AIRIM: variants seen among roughly 807,000 people sequenced by gnomAD.
The protein encoded by AIRIM is AFG2 interacting ribosome maturation factor.
chr1:37,691,002 C>A, the AIRIM span: 1 of 152,242 alleles, frequency 6.6e-6, no homozygotes, highest in Non-Finnish European at 1.5e-5. Context: ...CATAAAAACA[C>A]CTGCAGGGGG....
At chr1:37,681,816 A>G in the AIRIM span, 33 of 152,388 alleles carry the variant, frequency 2.2e-4, no homozygotes, top group South Asian at 6.6e-3. Context: ...CAAAAAGAAT[A>G]TAACTGTGTT....
the AIRIM span, chr1:37,690,540 G>A: frequency 8.7e-7 from 1 of 1,144,156 alleles, no homozygotes; most frequent in Non-Finnish European, 1.1e-6. Flanking sequence ...GCTCACACGC[G>A]ACCTCCCCAC....
At chr1:37,684,701 G>A in the AIRIM span, among the ~76,000 whole-genome samples, 1 of 152,222 alleles carries the variant, frequency 6.6e-6, no homozygotes, top group Non-Finnish European at 1.5e-5. Flanking sequence ...GCTAGATTGA[G>A]GAGTTCAATT....
the AIRIM span, chr1:37,689,890 A>G: frequency 2.6e-6 from 4 of 1,531,750 alleles, no homozygotes; most frequent in Admixed American, 2.1e-5. Flanking sequence ...TCTTCTGCTG[A>G]AAAAGATAAA....
At chr1:37,690,561 C>G in the AIRIM span, 2 of 1,058,356 alleles carry the variant, frequency 1.9e-6, no homozygotes, top group African/African-American at 3.4e-5. Flanking sequence ...AAAGCTACTC[C>G]GCGGGCCTGC....
the AIRIM span, chr1:37,683,981 G>C: frequency 6.4e-6 from 1 of 155,916 alleles, no homozygotes; most frequent in African/African-American, 2.4e-5. Context: ...TTAGCAACAG[G>C]AGCTATTCCT....
At chr1:37,684,792 A>T in the AIRIM span, among the ~76,000 whole-genome samples, 12 of 152,258 alleles carry the variant, frequency 7.9e-5, no homozygotes, top group African/African-American at 2.6e-4. Context: ...AGAGACAAGA[A>T]AAGTTGGGGT....
the AIRIM span, chr1:37,689,580 A>G: frequency 7.8e-6 from 12 of 1,544,496 alleles, no homozygotes; most frequent in South Asian, 2.4e-5. Context: ...CCTTCCACCA[A>G]GAAACAGCAC....
the AIRIM span, chr1:37,689,711 A>G: frequency 6.2e-7 from 1 of 1,614,034 alleles, no homozygotes; most frequent in South Asian, 1.1e-5. Flanking sequence ...CACATCCTCA[A>G]ACCGCAGGTT....
the AIRIM span, chr1:37,689,783 C>T: frequency 6.2e-7 from 1 of 1,613,176 alleles, no homozygotes; most frequent in African/African-American, 1.3e-5. Flanking sequence ...CTGGCAGTCC[C>T]GCAGGGCACT....
chr1:37,686,370 C>G, the AIRIM span: 16 of 1,614,058 alleles, frequency 9.9e-6, no homozygotes, highest in Admixed American at 1.7e-5. Flanking sequence ...TCAATGCCAA[C>G]TGTGTCTGCG....
At chr1:37,683,219 CAG>C in the AIRIM span, 1 of 1,605,128 alleles carries the variant, frequency 6.2e-7, no homozygotes. Context: ...ATAAAACACA[CAG>C]AGGCACAGCA....
chr1:37,691,675 C>A, the AIRIM span: 1 of 152,578 alleles, frequency 6.6e-6, no homozygotes, highest in Admixed American at 6.5e-5. Flanking sequence ...CATTCCCAGG[C>A]CCACGGCCAC....
the AIRIM span, chr1:37,689,697 C>T: frequency 3.3e-5 from 54 of 1,613,954 alleles, no homozygotes; most frequent in Non-Finnish European, 4.5e-5. Flanking sequence ...GCCCGAAGCG[C>T]CGGCACATCC....
At chr1:37,686,421 T>C in the AIRIM span, 1 of 1,614,052 alleles carries the variant, frequency 6.2e-7, no homozygotes, top group South Asian at 1.1e-5. Flanking sequence ...ACATGGCTGC[T>C]GACCATGTCT....
At chr1:37,690,840 A>G in the AIRIM span, among the ~76,000 whole-genome samples, 3 of 152,220 alleles carry the variant, frequency 2.0e-5, no homozygotes, top group Non-Finnish European at 4.4e-5. Context: ...ATCACAACCA[A>G]CTGGCAAAAA....
At chr1:37,687,029 C>A in the AIRIM span, among the ~76,000 whole-genome samples, 1 of 151,192 alleles carries the variant, frequency 6.6e-6, no homozygotes, top group African/African-American at 2.4e-5. Flanking sequence ...GCACTTCAAC[C>A]TGGGTGACAG....
chr1:37,683,492 A>G, the AIRIM span: 6 of 1,578,690 alleles, frequency 3.8e-6, 1 homozygote, highest in South Asian at 6.9e-5. Flanking sequence ...GAAGTGAAAA[A>G]AAACACCCTG....
chr1:37,683,064 G>C, the AIRIM span: 1 of 1,538,876 alleles, frequency 6.5e-7, no homozygotes, highest in Non-Finnish European at 9.0e-7. Context: ...GAAACATCAG[G>C]GTTCAGAATG....
Sources: allele counts gnomAD v4.1 joint callset (sites outside exome capture counted in the v4.1 genomes callset), GRCh38; gene constraint gnomAD v4.1.1; transcripts MANE v1.5; gene names NCBI Gene and HGNC (gene_info 2026-07-23, HGNC 2026-07-21).